Variants in ZNF823 observed in about 807,000 individuals in gnomAD.
ZNF823 encodes the protein zinc finger protein 823.
A neutral mutation model predicts 11.4 loss-of-function variants in ZNF823; 5 were observed. The observed-to-expected ratio is 0.44, with a 90% CI of 0.23 to 0.92. The LOEUF (loss-of-function observed/expected upper bound fraction) is 0.92, where lower values mean the gene tolerates loss of function less well. ZNF823 is among the 40% of genes least tolerant of loss of function. ZNF823 has a pLI of 0.24. For synonymous variants in ZNF823, 234 were observed against 250.5 expected, an observed-to-expected ratio of 0.93 and a Z score of 0.62; for missense variants, 582 against 738.5, an observed-to-expected ratio of 0.79 and a Z score of 2.46.
intron 1 of ZNF823, among the ~76,000 whole-genome samples, chr19:11,735,297 A>G (rs1017999203): frequency 6.6e-6 from 1 of 151,764 alleles, no homozygotes; most frequent in Non-Finnish European, 1.5e-5. Context: ...AAAAAAAAAA[A>G]AAAGAAAAGC....
chr19:11,722,072 G>A lies in ZNF823; in HGVS notation c.1462C>T (p.Gln488Ter). 1 of 1,610,794 alleles carries A rather than the reference G, an allele frequency of 6.2e-7. No homozygotes were observed. Among genetic ancestry groups the A allele is most frequent in the Non-Finnish European group, 8.5e-7 (1 of 1,179,184 alleles). ...TCTACTGTGTGGGTCCTTTTATGTT[G>A]AGAAAGGTATTTGAAACAACTGAAT... ...KAFSCFKYLS[Q>*]HKRTHTVEKP... Residue 488 changes from glutamine to a stop codon, truncating the protein, a stop_gained, in exon 4 of 4, where the codon CAA (glutamine) becomes TAA (stop). Coordinates refer to ENST00000341191, the MANE Select transcript of ZNF823 (RefSeq NM_001080493.4). LOFTEE classifies it low-confidence loss of function (END_TRUNC). This position sits in a 1 kb window ranked among gnomAD's most constrained non-coding sequence, Gnocchi z 5.2.
At chr19:11,728,482 C>T (rs1286829928) in intron 1 of ZNF823, among the ~76,000 whole-genome samples, 2 of 152,020 alleles carry the variant, frequency 1.3e-5, no homozygotes, top group Non-Finnish European at 2.9e-5. Flanking sequence ...TAACAGCTTC[C>T]GATAGGGCAA....
At chr19:11,738,332 T>C (rs1423356381) in intron 1 of ZNF823, among the ~76,000 whole-genome samples, 2 of 151,668 alleles carry the variant, frequency 1.3e-5, no homozygotes, top group African/African-American at 4.8e-5. Flanking sequence ...GTCCCAGGAG[T>C]CACCTCTCAC....
At chr19:11,725,594 CCT>C (rs1215193637) in intron 1 of ZNF823, among the ~76,000 whole-genome samples, 1 of 152,156 alleles carries the variant, frequency 6.6e-6, no homozygotes, top group Non-Finnish European at 1.5e-5. Context: ...CTGCGTCACC[CCT>C]GATGTCTATT....
chr19:11,737,582 TTC>T (rs1491188401), intron 1 of ZNF823, among the ~76,000 whole-genome samples: 2,383 of 74,606 alleles, frequency 0.032, 44 homozygotes, highest in East Asian at 0.07. Flanking sequence ...TTTTTTTTTT[TTC>T]ACACTGGAGT....
In ZNF823 at chr19:11,723,268, T is replaced by C. The variant is rs1200958335; in HGVS notation, c.266A>G (p.Asn89Ser). The C allele has an allele frequency of 6.2e-7, 1 of 1,614,050 alleles. No homozygotes were observed. The highest frequency in any genetic ancestry group is 1.3e-5 in the African/African-American group (1 of 75,058). Residue 89 changes from asparagine to serine, a missense_variant, in exon 4 of 4, where the codon AAC becomes AGC. Physicochemically the swap from Asn to Ser is conservative, Grantham distance 46. This residue lies in a region of ZNF823 where 429 missense variants were observed against 553.7 expected (regional missense o/e 0.77). Coordinates refer to ENST00000341191, the MANE Select transcript of ZNF823 (RefSeq NM_001080493.4). ...TGGATTTACTCGAGGAGTGTTCTTG[T>C]TCACAATACTATCTGGAATCTGGCC... ...TFGQIPDSIVNKNTPRVNPCD... is the reference protein window; with the variant it reads ...TFGQIPDSIVSKNTPRVNPCD...
intron 1 of ZNF823, among the ~76,000 whole-genome samples, chr19:11,731,922 T>A (rs1041515792): frequency 1.3e-5 from 2 of 149,214 alleles, no homozygotes; most frequent in Admixed American, 6.8e-5. Context: ...GACAGGAGAA[T>A]CGTTTGAACC....
At chr19:11,725,416 T>TGGTTTCCAA (rs1248703940) in intron 1 of ZNF823, 89 bp from the exon 2 acceptor site, 2 of 1,556,950 alleles carry the variant, frequency 1.3e-6, no homozygotes, top group Non-Finnish European at 1.8e-6. Context: ...CATGATGCTG[T>TGGTTTCCAA]GGTTTCCAAG....
Position 11,721,944 on chromosome 19 carries a change from C to G in ZNF823, c.1590G>C (p.Lys530Asn), listed in dbSNP as rs1307758422. 3 of 1,613,994 alleles carry G rather than the reference C, an allele frequency of 1.9e-6. No homozygotes were observed. The highest frequency in any genetic ancestry group is 2.5e-6 in the Non-Finnish European group (3 of 1,180,010). ...GCCAAGAGAATGCTTTTCCACATTC[C>G]TTACATTCATATGGCTTCTCTCCAG... ...IHSGEKPYEC[K>N]ECGKAFSWLT... is the part of the protein sequence containing the mutation. The change falls in exon 4 of 4, where the codon AAG (lysine) becomes AAC (asparagine). Residue 530 changes from lysine to asparagine, a missense_variant. Lys to Asn is a moderately conservative substitution (Grantham distance 94). Transcript: ENST00000341191.
At position 11,722,037 on chromosome 19, in the gene ZNF823, A is replaced by C; in HGVS notation, c.1497T>G (p.Tyr499Ter). ...AGGCTTTTCTACATGTTTTACACTC[A>C]TAAGGTTTTTCTACTGTGTGGGTCC... ...HKRTHTVEKPYECKTCRKAFS... is the reference protein window; with the variant it reads ...HKRTHTVEKP The change falls in exon 4 of 4, where the codon TAT (tyrosine) becomes TAG (stop). Residue 499 changes from tyrosine to a stop codon, truncating the protein, a stop_gained. Transcript: ENST00000341191. LOFTEE classifies it low-confidence loss of function (END_TRUNC). The surrounding 1 kb of genome is among the most constrained non-coding windows in gnomAD (Gnocchi z 5.2). The C allele has an allele frequency of 6.2e-7, 1 of 1,613,644 alleles. No homozygotes were observed. The highest frequency in any genetic ancestry group is 8.5e-7 in the Non-Finnish European group (1 of 1,179,932).
At chr19:11,724,132 AT>A (rs1477333762) in intron 3 of ZNF823, 61 bp downstream of exon 3, 1 of 1,381,628 alleles carries the variant, frequency 7.2e-7, no homozygotes, top group African/African-American at 1.5e-5. Context: ...CGTTTTTAAA[AT>A]TTTCTTATCA....
chr19:11,736,381 T>C (rs185179201), intron 1 of ZNF823, among the ~76,000 whole-genome samples: 1 of 152,232 alleles, frequency 6.6e-6, no homozygotes, highest in Admixed American at 6.5e-5. Flanking sequence ...TAGCTGGGCA[T>C]GGTAGCATAC....
At position 11,721,593 on chromosome 19, in the gene ZNF823, C is replaced by A. The variant is rs1974678134; in HGVS notation, c.*108G>T. Reference sequence around the variant, plus strand: ...ATAACTGTATTTAAAAAAATTGAAACTACTTAAGGCTTTATCCCATGTTTA... The same window carrying A: ...ATAACTGTATTTAAAAAAATTGAAAATACTTAAGGCTTTATCCCATGTTTA... On this transcript the variant is annotated 3_prime_UTR_variant, in exon 4 of 4. Transcript: ENST00000341191. The A allele has an allele frequency of 1.7e-6, 2 of 1,146,936 alleles. No homozygotes were observed. 71.0% of individuals were successfully genotyped at this position (1,146,936 alleles called of 1,614,324 possible).
rs368811981 is a variant in ZNF823 at position 11,732,372 on chromosome 19, A to G, written c.3+6445T>C. On this transcript the variant is annotated intron_variant, in intron 1 of 3. Transcript: ENST00000341191. ...AGTAGAAACGGGGTTTCACCGTGTT[A>G]GCCAGGATGGTCTCGATCTCCAGAC... Among the ~76,000 whole-genome samples, 112 of 152,080 alleles carry G rather than the reference A, an allele frequency of 7.4e-4. 3 individuals carry two copies. The East Asian group carries it at 0.02, about 27-fold the overall frequency.
intron 3 of ZNF823, among the ~76,000 whole-genome samples, 194 bp from the exon 4 acceptor site, chr19:11,723,536 T>G (rs996071596): frequency 6.6e-6 from 1 of 151,434 alleles, no homozygotes; most frequent in African/African-American, 2.4e-5. Flanking sequence ...CACATGGAGA[T>G]TCTTTCTTTC....
intron 1 of ZNF823, among the ~76,000 whole-genome samples, chr19:11,734,365 T>G (rs1263950710): frequency 3.3e-5 from 5 of 152,116 alleles, no homozygotes; most frequent in Non-Finnish European, 7.4e-5. Context: ...CTATGCCCCC[T>G]TTTTAAACCT....
At position 11,725,279 on chromosome 19, in the gene ZNF823, A is replaced by G; in HGVS notation, c.52T>C (p.Trp18Arg). ...DVAVNFTQEE[W>R]ALLGPSQKSL... ...TTCTGTGATGGACCCAGCAAAGCCC[A>G]CTCCTCTTGTGTGAAGTTCACAGCC... The change falls in exon 2 of 4, where the codon TGG becomes CGG. Residue 18 changes from tryptophan to arginine, a missense_variant. Around this residue, in one of 3 missense-constraint regions of ZNF823, gnomAD observed 429 missense variants for 553.7 expected, o/e 0.77. Coordinates refer to ENST00000341191, the MANE Select transcript of ZNF823 (RefSeq NM_001080493.4). 6.2e-7 allele frequency: 1 copy of G among 1,613,864 alleles called. No homozygotes were observed. The highest frequency in any genetic ancestry group is 8.5e-7 in the Non-Finnish European group (1 of 1,179,942).
Position 11,722,219 on chromosome 19 carries a change from T to C in ZNF823, c.1315A>G (p.Thr439Ala). 6 of 1,614,072 alleles carry C rather than the reference T, an allele frequency of 3.7e-6. No individual in the cohort carries two copies. The highest frequency in any genetic ancestry group is 1.1e-5 in the South Asian group (1 of 91,074). ...TGACATTTATAGGGTTTCACTCCAG[T>C]GTGAGTTGCTTCATGTCTTCGAAGG... ...GSLRRHEATH[T>A]GVKPYKCQCG... The change falls in exon 4 of 4, where the codon ACT becomes GCT. Residue 439 changes from threonine (T) to alanine (A), a missense_variant. Thr to Ala is a moderately conservative substitution (Grantham distance 58, BLOSUM62 0). Coordinates refer to ENST00000341191, the MANE Select transcript of ZNF823 (RefSeq NM_001080493.4). This position sits in a 1 kb window ranked among gnomAD's most constrained non-coding sequence, Gnocchi z 5.2.
intron 1 of ZNF823, among the ~76,000 whole-genome samples, chr19:11,730,938 A>T (rs1974881668): frequency 6.7e-6 from 1 of 148,204 alleles, no homozygotes; most frequent in African/African-American, 2.5e-5. Context: ...GGAATATGAG[A>T]GTGAAGTGGG....
Sources: allele counts gnomAD v4.1 joint callset (sites outside exome capture counted in the v4.1 genomes callset), GRCh38; gene constraint gnomAD v4.1.1; regional missense constraint gnomAD v4.1.1; non-coding constraint Gnocchi (gnomAD v3.1); transcripts MANE v1.5; gene names NCBI Gene and HGNC (gene_info 2026-07-23, HGNC 2026-07-21).